RNF145: variants seen among roughly 807,000 people sequenced by gnomAD.
The protein encoded by RNF145 is ring finger protein 145.
RNF145 carries 12 observed loss-of-function variants against 57.3 expected under a neutral mutation model. The observed-to-expected ratio is 0.21, with a 90% CI of 0.13 to 0.34. RNF145 has a LOEUF of 0.34. RNF145 is among the 10% of genes least tolerant of loss of function. The pLI is 1.00. For missense variants in RNF145, 429 were observed against 799.0 expected, an observed-to-expected ratio of 0.54 and a Z score of 5.58; for synonymous variants, 262 against 288.3, an observed-to-expected ratio of 0.91 and a Z score of 0.92.
At chr5:159,191,743 G>C (rs1254849866) in intron 3 of RNF145, among the ~76,000 whole-genome samples, 2 of 151,898 alleles carry the variant, frequency 1.3e-5, no homozygotes, top group Non-Finnish European at 2.9e-5. Flanking sequence ...AGTGAGCCGA[G>C]ATAAAATAAA....
At chr5:159,160,829 T>C (rs1784190723) in intron 10 of RNF145, among the ~76,000 whole-genome samples, 1 of 152,170 alleles carries the variant, frequency 6.6e-6, no homozygotes, top group African/African-American at 2.4e-5. Flanking sequence ...GGTGGGCACA[T>C]ATTCTCTCTA....
intron 9 of RNF145, 46 bp downstream of exon 9, chr5:159,162,886 A>G (rs1223938338): frequency 1.5e-5 from 22 of 1,503,776 alleles, no homozygotes; most frequent in Non-Finnish European, 1.7e-5. Context: ...GGGAGGAAAA[A>G]TAACAAAATT....
intron 1 of RNF145, among the ~76,000 whole-genome samples, chr5:159,206,980 T>C (rs887075883): frequency 2.6e-5 from 4 of 151,586 alleles, no homozygotes; most frequent in African/African-American, 9.7e-5. Flanking sequence ...AAAAGGCATT[T>C]CTTTCCAAAA....
chr5:159,162,225 G>T (rs890826538), intron 9 of RNF145, among the ~76,000 whole-genome samples: 1 of 151,756 alleles, frequency 6.6e-6, no homozygotes, highest in African/African-American at 2.4e-5. Flanking sequence ...TGGAACTATT[G>T]GTATTTTTGA....
intron 6 of RNF145, among the ~76,000 whole-genome samples, chr5:159,170,742 G>A (rs900928024): frequency 3.3e-5 from 5 of 152,260 alleles, no homozygotes; most frequent in Admixed American, 1.3e-4. Context: ...CCGTAAGAGC[G>A]TGCCACTGCG....
chr5:159,192,320 A>C (rs1472495825), intron 3 of RNF145, among the ~76,000 whole-genome samples: 1 of 152,162 alleles, frequency 6.6e-6, no homozygotes, highest in Non-Finnish European at 1.5e-5. Flanking sequence ...ACTGTAGATA[A>C]AAACAGAACT....
intron 1 of RNF145, among the ~76,000 whole-genome samples, chr5:159,208,351 G>A (rs987816481): frequency 6.6e-6 from 1 of 152,138 alleles, no homozygotes; most frequent in African/African-American, 2.4e-5. Flanking sequence ...CGTACCAAAA[G>A]GCTCGCGAAG....
At chr5:159,189,457 C>T (rs1785208346) in intron 3 of RNF145, among the ~76,000 whole-genome samples, 1 of 152,202 alleles carries the variant, frequency 6.6e-6, no homozygotes, top group South Asian at 2.1e-4. Flanking sequence ...ACAATGGATG[C>T]TGGCAAGAAT....
intron 10 of RNF145, 126 bp downstream of exon 10, chr5:159,161,140 G>A: frequency 3.3e-6 from 2 of 602,948 alleles, no homozygotes; most frequent in Non-Finnish European, 5.9e-6. Context: ...AATTTCTGAG[G>A]TCCATTTTTT....
chr5:159,209,620 C>T (rs1584720621), upstream of RNF145: 5 of 1,050,212 alleles, frequency 4.8e-6, no homozygotes, highest in Non-Finnish European at 5.9e-6. Flanking sequence ...CGCGCCCCTC[C>T]CGCGCGCGCC....
At chr5:159,207,149 G>C (rs1020641921) in intron 1 of RNF145, among the ~76,000 whole-genome samples, 1 of 152,128 alleles carries the variant, frequency 6.6e-6, no homozygotes, top group Non-Finnish European at 1.5e-5. Context: ...TTGTGGGTTA[G>C]AAAACACAGG....
intron 3 of RNF145, among the ~76,000 whole-genome samples, chr5:159,190,642 C>G (rs1380961307): frequency 6.8e-6 from 1 of 147,184 alleles, no homozygotes; most frequent in Non-Finnish European, 1.5e-5. Context: ...ATGACTGCAC[C>G]ACTCCACTGC....
rs1784107545 is a variant in RNF145, at chr5:159,158,354, G to C, written c.*316C>G. The stretch of plus-strand genomic sequence containing the variant: ...TCAGTCCCTTCAACACTCAAAATCT[G>C]ATTTTATTTCTCTCTCACACGTATC... On this transcript the variant is annotated 3_prime_UTR_variant, in exon 11 of 11. Transcript: ENST00000424310. 1 of 302,020 alleles carries C rather than the reference G, an allele frequency of 3.3e-6. No individual in the cohort carries two copies. The highest frequency in any genetic ancestry group is 7.1e-5 in the East Asian group (1 of 14,056). The allele number at this position is 302,020 out of a possible 1,614,324, so 18.7% of individuals were successfully genotyped here. A position where few individuals can be genotyped will look rare whatever the true frequency, so the allele number is the denominator to read the frequency against.
intron 3 of RNF145, among the ~76,000 whole-genome samples, chr5:159,183,682 T>A (rs1361867212): frequency 6.6e-6 from 1 of 152,176 alleles, no homozygotes; most frequent in Non-Finnish European, 1.5e-5. Flanking sequence ...GATACAACTC[T>A]GAGTGTCAGT....
At chr5:159,189,607 GAAAAT>G (rs2113192050) in intron 3 of RNF145, among the ~76,000 whole-genome samples, 1 of 152,264 alleles carries the variant, frequency 6.6e-6, no homozygotes, top group African/African-American at 2.4e-5. Context: ...TTTGTCCAAG[GAAAAT>G]AAAACATTTG....
chr5:159,162,194 C>CAT (rs1275904643), intron 9 of RNF145, among the ~76,000 whole-genome samples: 1 of 152,116 alleles, frequency 6.6e-6, no homozygotes, highest in African/African-American at 2.4e-5. Context: ...ACATCATATA[C>CAT]ATATATATTT....
chr5:159,178,650 C>T (rs116120453), intron 4 of RNF145, among the ~76,000 whole-genome samples: 2,255 of 152,012 alleles, frequency 0.015, 41 homozygotes, highest in African/African-American at 0.044. Context: ...ATCCAAAATG[C>T]CCTAAAATCT....
At chr5:159,205,194 T>C (rs977588236) in intron 1 of RNF145, among the ~76,000 whole-genome samples, 2 of 152,178 alleles carry the variant, frequency 1.3e-5, no homozygotes. Flanking sequence ...AGCCTGCCAA[T>C]AATATAGATT....
At chr5:159,187,962 G>A (rs1027455550) in intron 3 of RNF145, among the ~76,000 whole-genome samples, 11 of 152,274 alleles carry the variant, frequency 7.2e-5, no homozygotes, top group South Asian at 2.1e-4. Context: ...CTTACACACC[G>A]AAGAGCCAGA....
Sources: allele counts gnomAD v4.1 joint callset (sites outside exome capture counted in the v4.1 genomes callset), GRCh38; gene constraint gnomAD v4.1.1; transcripts MANE v1.5; gene names NCBI Gene and HGNC (gene_info 2026-07-23, HGNC 2026-07-21).